The following TNRC18 variants were observed in gnomAD, a reference collection of about 807,000 sequenced individuals.
TNRC18 encodes the protein trinucleotide repeat-containing gene 18 protein.
TNRC18 carries 69 observed loss-of-function variants against 226.7 expected under a neutral mutation model. The ratio of observed to expected loss-of-function variants is 0.30; its 90% CI spans 0.25 to 0.37. TNRC18 has a LOEUF of 0.37. Among genes scored for constraint, TNRC18 ranks in the 10% least tolerant of loss-of-function variants. TNRC18 has a pLI of 1.00. For missense variants in TNRC18, 4,754 were observed against 4,256.6 expected, an observed-to-expected ratio of 1.12 and a Z score of -3.25; for synonymous variants, 2,449 against 1,927.6, an observed-to-expected ratio of 1.27 and a Z score of -7.09.
intron 17 of TNRC18, among the ~76,000 whole-genome samples, chr7:5,348,377 G>C (rs967377975): frequency 1.3e-5 from 2 of 152,150 alleles, no homozygotes; most frequent in Non-Finnish European, 2.9e-5. Context: ...AGAAGAGGTG[G>C]ACACCAGACC....
At chr7:5,383,807 T>A (rs906391945) in intron 5 of TNRC18, among the ~76,000 whole-genome samples, 1 of 152,026 alleles carries the variant, frequency 6.6e-6, no homozygotes, top group Non-Finnish European at 1.5e-5. Context: ...TTTTTGTTCT[T>A]TTAGAGACCG....
chr7:5,362,604 C>T (rs1352822910), intron 12 of TNRC18, 46 bp downstream of exon 12: 4 of 1,481,704 alleles, frequency 2.7e-6, no homozygotes, highest in African/African-American at 2.8e-5. Flanking sequence ...GGCCTCCCAC[C>T]CAGCCTCCCC....
intron 18 of TNRC18, 45 bp downstream of exon 18, chr7:5,345,517 G>GCCCACCCC: frequency 1.3e-5 from 5 of 377,744 alleles, no homozygotes; most frequent in South Asian, 8.8e-5. Flanking sequence ...AATGGCGTCC[G>GCCCACCCC]CCCCTCCCAC....
Position 5,387,748 on chromosome 7 carries a change from C to T in TNRC18, c.2076G>A (p.Lys692=), listed in dbSNP as rs1301725503. 6.2e-7 allele frequency: 1 copy of T among 1,607,506 alleles called. No homozygotes were observed. The highest frequency in any genetic ancestry group is 1.1e-5 in the South Asian group (1 of 91,086). The change falls in exon 5 of 30, where the codon AAG becomes AAA. Residue 692 remains lysine (K), a synonymous_variant. Transcript: ENST00000430969. ...CCAGCCGGCCACTGCCGCCACTGTC[C>T]TTCTGCCGGGCCACAGCCACTGCAA... ...VGIAVAVARQ[K]DSGGSGRLGP... is the part of the protein sequence containing the mutation.
chr7:5,321,538 A>G (rs1788357096), intron 21 of TNRC18, among the ~76,000 whole-genome samples: 2 of 152,278 alleles, frequency 1.3e-5, no homozygotes, highest in Admixed American at 6.5e-5. Context: ...TGGGCCTGGC[A>G]TGAAGCTCTG....
chr7:5,388,248 G>A lies in TNRC18; in HGVS notation c.1576C>T (p.Leu526=). ...GNFAATQMAV[L]AAQHHHSRAE... ...CGGCTGTGGTGGTGCTGCGCGGCCAGCACGGCCATCTGCGTGGCGGCGAAG... is the reference window on the plus strand; with the variant it reads ...CGGCTGTGGTGGTGCTGCGCGGCCAACACGGCCATCTGCGTGGCGGCGAAG... Residue 526 remains leucine, a synonymous_variant, in exon 5 of 30, where the codon CTG becomes TTG. Coordinates refer to ENST00000430969, the MANE Select transcript of TNRC18 (RefSeq NM_001080495.3). 1.9e-6 allele frequency: 3 copies of A among 1,607,444 alleles called. No individual in the cohort carries two copies. Among genetic ancestry groups the A allele is most frequent in the African/African-American group, 1.3e-5 (1 of 74,798 alleles).
At position 5,313,662 on chromosome 7, in the gene TNRC18, T is replaced by C; in HGVS notation, c.7229A>G (p.Glu2410Gly). Residue 2410 changes from glutamate (E) to glycine (G), a missense_variant, in exon 27 of 30, where the codon GAG becomes GGG. Physicochemically the swap from Glu to Gly is moderately conservative, Grantham distance 98. Coordinates refer to ENST00000430969, the MANE Select transcript of TNRC18 (RefSeq NM_001080495.3). ...PPAFTSCPAPEPFAELPAPAT... is the reference protein window; with the variant it reads ...PPAFTSCPAPGPFAELPAPAT... The stretch of plus-strand genomic sequence containing the variant: ...AGGAGCTGGCAGCTCTGCAAATGGC[T>C]CGGGTGCTGGGCAGCTGGTGAAGGC... The C allele has an allele frequency of 3.7e-6, 6 of 1,605,872 alleles. No individual in the cohort carries two copies. The highest frequency in any genetic ancestry group is 5.1e-6 in the Non-Finnish European group (6 of 1,177,100).
intron 5 of TNRC18, among the ~76,000 whole-genome samples, chr7:5,379,564 C>A (rs565310078): frequency 5.9e-5 from 9 of 152,216 alleles, no homozygotes; most frequent in Non-Finnish European, 1.0e-4. Flanking sequence ...CATGGATGGT[C>A]ACCAGAGGAG....
At chr7:5,356,477 T>C (rs1353162641) in intron 16 of TNRC18, among the ~76,000 whole-genome samples, 1 of 152,236 alleles carries the variant, frequency 6.6e-6, no homozygotes, top group Non-Finnish European at 1.5e-5. Context: ...ACAGACGGCA[T>C]GCTTCCTGTG....
At chr7:5,340,311 C>T (rs1036762940) in intron 18 of TNRC18, among the ~76,000 whole-genome samples, 3 of 152,212 alleles carry the variant, frequency 2.0e-5, no homozygotes, top group Non-Finnish European at 4.4e-5. Flanking sequence ...CCTCAATATT[C>T]CTTGAAGCCA....
intron 2 of TNRC18, among the ~76,000 whole-genome samples, chr7:5,404,221 C>T (rs1353541970): frequency 1.3e-5 from 2 of 152,098 alleles, no homozygotes; most frequent in African/African-American, 4.8e-5. Flanking sequence ...GAATACAAAA[C>T]TTAGGTGGGT....
At chr7:5,347,965 T>G (rs1000329084) in intron 17 of TNRC18, among the ~76,000 whole-genome samples, 5 of 152,130 alleles carry the variant, frequency 3.3e-5, no homozygotes, top group East Asian at 1.9e-4. Context: ...AAAATAATAA[T>G]AAGTAATAAA....
chr7:5,312,506 G>A lies in TNRC18; in HGVS notation c.8385C>T (p.Thr2795=). 6.2e-7 allele frequency: 1 copy of A among 1,610,608 alleles called. No homozygotes were observed. The highest frequency in any genetic ancestry group is 8.5e-7 in the Non-Finnish European group (1 of 1,179,222). Residue 2795 remains threonine, a synonymous_variant, in exon 27 of 30, where the codon ACC becomes ACT. Coordinates refer to ENST00000430969, the MANE Select transcript of TNRC18 (RefSeq NM_001080495.3). This position sits in a 1 kb window ranked among gnomAD's most constrained non-coding sequence, Gnocchi z 6.3. ...GCCCGGGCGCGAGCTTGCTCACCTG[G>A]GTGGGCTTGCCGAACCACTTCCAGA... ...RQLWKWFGKP[T]QRRGMKGKAR...
In TNRC18 at chr7:5,345,601, G is replaced by T; in HGVS notation, c.5680C>A (p.Gln1894Lys). The change falls in exon 18 of 30, where the codon CAG becomes AAG. Residue 1894 changes from glutamine (Q) to lysine (K), a missense_variant. By Grantham distance (53) the Gln-to-Lys change is moderately conservative (BLOSUM62 1). Transcript: ENST00000430969. ...CGCTCCTCTTTCTTCCGGGCCTTCTGCTTGGCCTCCAGCTGTACCACAGAC... is the reference window on the plus strand; with the variant it reads ...CGCTCCTCTTTCTTCCGGGCCTTCTTCTTGGCCTCCAGCTGTACCACAGAC... ...SLSVVQLEAK[Q>K]KARKKEERQS... 2 of 1,547,058 alleles carry T rather than the reference G, an allele frequency of 1.3e-6. No homozygotes were observed. The highest frequency in any genetic ancestry group is 1.7e-6 in the Non-Finnish European group (2 of 1,146,358).
At chr7:5,409,694 A>C (rs987480027) in intron 2 of TNRC18, among the ~76,000 whole-genome samples, 2 of 151,678 alleles carry the variant, frequency 1.3e-5, no homozygotes, top group Non-Finnish European at 2.9e-5. Flanking sequence ...AATACAAAAG[A>C]AGGCCAGGCG....
In TNRC18 at chr7:5,361,955, G is replaced by A. The variant is rs375562129; in HGVS notation, c.4474C>T (p.Arg1492Cys). Reference sequence around the variant, plus strand: ...TCACGCTGCTTCTCCTTGTACTGGCGCTGCACCTCGGCCAGCCGCATCCGG... The same window carrying A: ...TCACGCTGCTTCTCCTTGTACTGGCACTGCACCTCGGCCAGCCGCATCCGG... ...DFRMRLAEVQ[R>C]QYKEKQRELV... is the part of the protein sequence containing the mutation. The change falls in exon 13 of 30, where the codon CGC (arginine) becomes TGC (cysteine). Residue 1492 changes from arginine to cysteine, a missense_variant. Physicochemically the swap from Arg to Cys is radical, Grantham distance 180. Transcript: ENST00000430969. The A allele has an allele frequency of 3.7e-6, 6 of 1,611,486 alleles. No individual in the cohort carries two copies. The highest frequency in any genetic ancestry group is 2.2e-5 in the East Asian group (1 of 44,832).
chr7:5,361,250 G>T (rs925243920), intron 14 of TNRC18, among the ~76,000 whole-genome samples: 4 of 152,230 alleles, frequency 2.6e-5, no homozygotes, highest in Non-Finnish European at 5.9e-5. Flanking sequence ...AACAAGCAAG[G>T]CTGGCAGCCC....
chr7:5,350,238 G>T (rs371446310), intron 17 of TNRC18, among the ~76,000 whole-genome samples: 2 of 152,020 alleles, frequency 1.3e-5, no homozygotes, highest in African/African-American at 2.4e-5. Context: ...GTGGGTCGGG[G>T]GCCTCTCTTC....
At chr7:5,403,270 C>A (rs1047849867) in intron 2 of TNRC18, among the ~76,000 whole-genome samples, 1 of 151,952 alleles carries the variant, frequency 6.6e-6, no homozygotes. Context: ...AAGCAATTCT[C>A]CTGCCTCAGC....
Sources: allele counts gnomAD v4.1 joint callset (sites outside exome capture counted in the v4.1 genomes callset), GRCh38; gene constraint gnomAD v4.1.1; non-coding constraint Gnocchi (gnomAD v3.1); transcripts MANE v1.5; gene names NCBI Gene and HGNC (gene_info 2026-07-23, HGNC 2026-07-21).